Variants in ABCD2 observed in about 807,000 individuals in gnomAD.
The protein encoded by ABCD2 is ATP binding cassette subfamily D member 2, also known as ATP-binding cassette sub-family D member 2.
ABCD2 carries 36 observed loss-of-function variants against 70.9 expected under a neutral mutation model. That is an observed-to-expected ratio of 0.51 (90% CI 0.39 to 0.67). ABCD2 has a LOEUF of 0.67. Ranked by LOEUF, ABCD2 falls within the 30% of genes least tolerant of loss-of-function variation. The pLI is 0.00. For missense variants in ABCD2, 729 were observed against 890.2 expected, an observed-to-expected ratio of 0.82 and a Z score of 2.30; for synonymous variants, 304 against 306.9, an observed-to-expected ratio of 0.99 and a Z score of 0.10.
intron 6 of ABCD2, among the ~76,000 whole-genome samples, chr12:39,599,701 G>C (rs1941870211): frequency 6.6e-6 from 1 of 152,162 alleles, no homozygotes; most frequent in Admixed American, 6.5e-5. Flanking sequence ...GGATTGTACA[G>C]TACATTCAGG....
At position 39,577,840 on chromosome 12, in the gene ABCD2, C is replaced by G. The variant is rs74539446; in HGVS notation, c.1877+1695G>C. On this transcript the variant is annotated intron_variant, in intron 8 of 9. Transcript: ENST00000308666. ...AATTTTAAAAAATGAGTAGATAAAT[C>G]AAGTGTAACGAAACATTAGACTTGT... Among the ~76,000 whole-genome samples the G allele has an allele frequency of 6.5e-3, 982 of 152,162 alleles. 8 individuals are homozygous for G. The highest frequency in any genetic ancestry group is 0.023 in the African/African-American group (942 of 41,512).
Position 39,586,054 on chromosome 12 carries a change from A to C in ABCD2, c.1792+98T>G, listed in dbSNP as rs534337330. On this transcript the variant is annotated intron_variant, in intron 7 of 9. Coordinates refer to ENST00000308666, the MANE Select transcript of ABCD2 (RefSeq NM_005164.4). Reference sequence around the variant, plus strand: ...TACACTTATGTGCTTATTTCCGATTATAGCATACATTCAAATTAAACCACA... The same window carrying C: ...TACACTTATGTGCTTATTTCCGATTCTAGCATACATTCAAATTAAACCACA... 36 of 1,109,882 alleles carry C rather than the reference A, an allele frequency of 3.2e-5. No individual in the cohort carries two copies. In the African/African-American group the frequency reaches 5.5e-4, roughly 17 times the overall value. The allele number at this position is 1,109,882 out of a possible 1,614,324, so 68.8% of individuals were successfully genotyped here.
rs1184597778 is a variant in ABCD2, at chr12:39,553,991, T to C, written c.2144A>G (p.Gln715Arg). 3.1e-6 allele frequency: 5 copies of C among 1,613,506 alleles called. No homozygotes were observed. The South Asian group carries it at 4.4e-5, about 14-fold the overall frequency. Residue 715 changes from glutamine to arginine, a missense_variant, in exon 10 of 10, where the codon CAG (glutamine) becomes CGG (arginine). Physicochemically the swap from Gln to Arg is conservative, Grantham distance 43 (BLOSUM62 1). This residue lies in a region of ABCD2 where 289 missense variants were observed against 328.8 expected (regional missense o/e 0.88). Transcript: ENST00000308666. ...AATTTTACATAGTTCATTGAGTCTC[T>C]GCTGCATTTTGGGAATTCCAGCTAG... ...SQLAGIPKMQ[Q>R]RLNELCKILG...
At position 39,590,154 on chromosome 12, in the gene ABCD2, A is replaced by G. The variant is rs189687270; in HGVS notation, c.1647-3857T>C. 2.5e-3 allele frequency among the ~76,000 whole-genome samples: 377 copies of G among 152,306 alleles called. 2 individuals are homozygous for G. Among genetic ancestry groups the G allele is most frequent in the African/African-American group, 8.9e-3 (368 of 41,568 alleles). On this transcript the variant is annotated intron_variant, in intron 6 of 9. Transcript: ENST00000308666. ...GGAATTTAACATTTTGAGTCAGTTC[A>G]AGTTTCTGTAGTCCTACCAAAGTTA...
chr12:39,539,813 TG>T, the ABCD2 span: 1 of 156,380 alleles, frequency 6.4e-6, no homozygotes. Context: ...ACTTTACTAC[TG>T]GGGGTTCCAG....
At chr12:39,544,767 G>A in the ABCD2 span, among the ~76,000 whole-genome samples, 1 of 152,184 alleles carries the variant, frequency 6.6e-6, no homozygotes, top group African/African-American at 2.4e-5. Flanking sequence ...GAACCCCAGG[G>A]TGAGAAGAGT....
chr12:39,592,485 G>A (rs1016233302), intron 6 of ABCD2, among the ~76,000 whole-genome samples: 5 of 152,176 alleles, frequency 3.3e-5, no homozygotes, highest in African/African-American at 1.2e-4. Context: ...TACCAGTGCT[G>A]TACAGAGACA....
intron 3 of ABCD2, among the ~76,000 whole-genome samples, chr12:39,607,237 A>G (rs539160184): frequency 4.7e-4 from 71 of 152,324 alleles, no homozygotes; most frequent in African/African-American, 1.6e-3. Flanking sequence ...TTATAGATGA[A>G]GAAACAGAGA....
chr12:39,532,555 T>C, the ABCD2 span, among the ~76,000 whole-genome samples: 1 of 152,204 alleles, frequency 6.6e-6, no homozygotes. Context: ...TGGCAATGTA[T>C]ATTAATTCTT....
chr12:39,600,839 C>T, intron 5 of ABCD2, 123 bp from the exon 6 acceptor site: 2 of 821,030 alleles, frequency 2.4e-6, no homozygotes, highest in Non-Finnish European at 3.7e-6. Context: ...GGCAAAAGAT[C>T]AAGGAAAAAT....
intron 9 of ABCD2, among the ~76,000 whole-genome samples, chr12:39,567,788 G>A (rs76483584): frequency 2.6e-5 from 4 of 152,244 alleles, no homozygotes; most frequent in African/African-American, 4.8e-5. Context: ...CATGTTTAGT[G>A]CTTCCTTCAG....
the ABCD2 span, among the ~76,000 whole-genome samples, chr12:39,540,890 A>T: frequency 6.6e-6 from 1 of 152,226 alleles, no homozygotes; most frequent in Non-Finnish European, 1.5e-5. Flanking sequence ...AATGTATAAA[A>T]CCAAGCTGCA....
intron 2 of ABCD2, among the ~76,000 whole-genome samples, chr12:39,611,852 A>G (rs1463573875): frequency 6.6e-6 from 1 of 151,932 alleles, no homozygotes; most frequent in Non-Finnish European, 1.5e-5. Flanking sequence ...GATATATCCA[A>G]CAAATGACTC....
intron 2 of ABCD2, among the ~76,000 whole-genome samples, chr12:39,608,535 A>G (rs1591997094): frequency 6.6e-6 from 1 of 151,832 alleles, no homozygotes; most frequent in South Asian, 2.1e-4. Flanking sequence ...AAAAAAAACG[A>G]AGATTAGCCG....
At chr12:39,573,892 G>A in intron 8 of ABCD2, 51 bp from the exon 9 acceptor site, 4 of 1,547,620 alleles carry the variant, frequency 2.6e-6, no homozygotes, top group Non-Finnish European at 3.5e-6. Context: ...TGAACTATAA[G>A]TTTTTCTTTG....
rs556625121 is a variant in ABCD2, at chr12:39,600,498, A to T, written c.1646+73T>A. On this transcript the variant is annotated intron_variant, in intron 6 of 9. Transcript: ENST00000308666. ...AACATTCTTAAAGATATATAAACTG[A>T]GGAACTTGAGGAATCAAGACAATTC... 35 of 1,320,512 alleles carry T rather than the reference A, an allele frequency of 2.7e-5. No individual in the cohort carries two copies. The African/African-American group carries it at 5.2e-4, about 20-fold the overall frequency. The allele number at this position is 1,320,512 out of a possible 1,614,324, so 81.8% of individuals were successfully genotyped here. A position where few individuals can be genotyped will look rare whatever the true frequency, so the allele number is the denominator to read the frequency against.
the ABCD2 span, among the ~76,000 whole-genome samples, chr12:39,532,682 T>G: frequency 6.6e-6 from 1 of 152,130 alleles, no homozygotes; most frequent in African/African-American, 2.4e-5. Context: ...TGGAAACAAT[T>G]AAGATACCGA....
chr12:39,550,038 A>G lies in ABCD2; in HGVS notation c.*3874T>C, dbSNP rs1307081747. 2.0e-5 allele frequency: 3 copies of G among 151,800 alleles called. No individual in the cohort carries two copies. Among genetic ancestry groups the G allele is most frequent in the African/African-American group, 7.2e-5 (3 of 41,424 alleles). The allele number at this position is 151,800 out of a possible 1,614,324, so 9.4% of individuals were successfully genotyped here. The stretch of plus-strand genomic sequence containing the variant: ...TTTCAATGGTCACAAGCATCTTCGG[A>G]CAGGGACCAAATTTTATTTAGTAAT... On this transcript the variant is annotated 3_prime_UTR_variant, in exon 10 of 10. Transcript: ENST00000308666.
intron 9 of ABCD2, among the ~76,000 whole-genome samples, chr12:39,555,021 C>T (rs1006964985): frequency 2.0e-5 from 3 of 152,020 alleles, no homozygotes; most frequent in South Asian, 4.2e-4. Context: ...CAAGCAGTTT[C>T]CTCCTGCTTT....
Sources: gnomAD v4.1 joint callset for allele counts (sites outside exome capture counted in the v4.1 genomes callset) on GRCh38, gnomAD v4.1.1 for gene constraint, gnomAD v4.1.1 regional missense constraint, MANE v1.5 for transcripts, NCBI Gene and HGNC (gene_info 2026-07-23, HGNC 2026-07-21) for gene names.